Variants in ATAD2 observed in about 807,000 individuals in gnomAD.
The protein encoded by ATAD2 is ATPase family AAA domain-containing protein 2.
A neutral mutation model predicts 168.9 loss-of-function variants in ATAD2; 62 were observed. That is an observed-to-expected ratio of 0.37 (90% confidence interval 0.30 to 0.45). The LOEUF (loss-of-function observed/expected upper bound fraction) is 0.45. Among genes scored for constraint, ATAD2 ranks in the 20% least tolerant of loss-of-function variants. The pLI is 1.00. For missense variants in ATAD2, 1,419 were observed against 1,667.8 expected (o/e 0.85, Z 2.60); for synonymous variants, 613 against 571.6 (o/e 1.07, Z -1.03).
At position 123,396,127 on chromosome 8, in the gene ATAD2, C is replaced by T. The variant is rs111890380; in HGVS notation, c.171+60G>A. The T allele has an allele frequency of 3.8e-5, 56 of 1,479,266 alleles. 1 individual carries two copies. In the African/African-American group the frequency reaches 4.4e-4, roughly 12 times the overall value. 91.6% of individuals were successfully genotyped at this position (1,479,266 alleles called of 1,614,324 possible). ...CCCACCCCCAGGCCCCTCCGAGCGC[C>T]GGGCTGCCGGCAGTCCCCCCGGGAA... On this transcript the variant is annotated intron_variant, in intron 1 of 27. Transcript: ENST00000287394.
chr8:123,402,164 C>T lies in ATAD2; in HGVS notation c.-2281-989G>A. Reference sequence around the variant, plus strand: ...GCACCCCCCAGTGTCCACCTTCGGGCATAGCCTCCCTCCATCACTGAGTGG... The same window carrying T: ...GCACCCCCCAGTGTCCACCTTCGGGTATAGCCTCCCTCCATCACTGAGTGG... On this transcript the variant is annotated intron_variant, in intron 1 of 28. Transcript: ENST00000521903. This position sits in a 1 kb window ranked among gnomAD's most constrained non-coding sequence, Gnocchi z 4.8. The T allele has an allele frequency of 1.5e-5, 10 of 689,454 alleles. No homozygotes were observed. The South Asian group carries it at 1.6e-4, about 11-fold the overall frequency. The allele number at this position is 689,454 out of a possible 1,614,324, so 42.7% of individuals were successfully genotyped here. A position where few individuals can be genotyped will look rare whatever the true frequency, so the allele number is the denominator to read the frequency against.
chr8:123,414,089 T>A (rs1813203424), intron 1 of ATAD2, among the ~76,000 whole-genome samples: 1 of 51,542 alleles, frequency 1.9e-5, no homozygotes, highest in East Asian at 5.9e-4. Flanking sequence ...GAGACTCTTA[T>A]CTCAAAAAAA....
intron 8 of ATAD2, among the ~76,000 whole-genome samples, chr8:123,362,492 C>T (rs972334073): frequency 6.6e-6 from 1 of 151,440 alleles, no homozygotes; most frequent in African/African-American, 2.4e-5. Context: ...CTCACTGCAA[C>T]CTCTGCCTCC....
At chr8:123,342,051 G>A (rs1480579218) in intron 19 of ATAD2, among the ~76,000 whole-genome samples, 2 of 152,018 alleles carry the variant, frequency 1.3e-5, no homozygotes, top group Non-Finnish European at 2.9e-5. Flanking sequence ...GCACCCCTAC[G>A]CTGCTAGCCT....
intron 24 of ATAD2, among the ~76,000 whole-genome samples, chr8:123,332,025 T>C: frequency 6.6e-6 from 1 of 152,228 alleles, no homozygotes; most frequent in East Asian, 1.9e-4. Flanking sequence ...CTATGTACGA[T>C]CTGTGTTTGT....
intron 27 of ATAD2, among the ~76,000 whole-genome samples, chr8:123,321,736 C>T (rs1827473471): frequency 1.3e-5 from 2 of 151,934 alleles, no homozygotes; most frequent in Admixed American, 1.3e-4. Context: ...GAATTTGGGA[C>T]CATCCTAGGC....
At chr8:123,346,481 TAAC>T in intron 17 of ATAD2, 134 bp downstream of exon 17, 1 of 1,065,216 alleles carries the variant, frequency 9.4e-7, no homozygotes, top group Non-Finnish European at 1.3e-6. Flanking sequence ...GTGACAACTG[TAAC>T]AACAAAAAAT....
intron 1 of ATAD2, among the ~76,000 whole-genome samples, chr8:123,392,831 T>C (rs1812645103): frequency 6.6e-6 from 1 of 152,166 alleles, no homozygotes; most frequent in South Asian, 2.1e-4. Context: ...TACAGACTTT[T>C]ACTTAGATAG....
chr8:123,406,382 C>A (rs1236190773), intron 1 of ATAD2, among the ~76,000 whole-genome samples: 2,878 of 90,456 alleles, frequency 0.032, 1 homozygote, highest in African/African-American at 0.035. Context: ...ACTGTCTCAC[C>A]AAAAAAAAAA....
chr8:123,353,681 C>A (rs1828545791), intron 13 of ATAD2, among the ~76,000 whole-genome samples: 1 of 152,078 alleles, frequency 6.6e-6, no homozygotes, highest in African/African-American at 2.4e-5. Context: ...TTAGAGACCA[C>A]ACTCAGGGAT....
chr8:123,385,312 A>T (rs1215991097), intron 1 of ATAD2, among the ~76,000 whole-genome samples: 1 of 152,198 alleles, frequency 6.6e-6, no homozygotes, highest in African/African-American at 2.4e-5. Flanking sequence ...ATTAAAAGAG[A>T]GAAAAAAAAG....
intron 1 of ATAD2, among the ~76,000 whole-genome samples, chr8:123,394,151 C>T (rs1045188074): frequency 6.6e-5 from 10 of 151,666 alleles, no homozygotes; most frequent in South Asian, 4.2e-4. Flanking sequence ...GTCTTAATAG[C>T]TGACAATGAC....
At chr8:123,414,809 G>A (rs550011471) in intron 1 of ATAD2, among the ~76,000 whole-genome samples, 1 of 152,238 alleles carries the variant, frequency 6.6e-6, no homozygotes, top group African/African-American at 2.4e-5. Context: ...TCTGAGTCTG[G>A]GGCTGGGGCA....
In ATAD2 at chr8:123,322,922, C is replaced by T; in HGVS notation, c.4131+16G>A. ...CCACAAGAGCATTTGTAAAAAGTTTCCACTCAAGAGTTTACCTGAATAAGT... is the reference window on the plus strand; with the variant it reads ...CCACAAGAGCATTTGTAAAAAGTTTTCACTCAAGAGTTTACCTGAATAAGT... On this transcript the variant is annotated intron_variant, in intron 27 of 27. Transcript: ENST00000287394. 6.2e-7 allele frequency: 1 copy of T among 1,608,294 alleles called. No homozygotes were observed. Among genetic ancestry groups the T allele is most frequent in the African/African-American group, 1.3e-5 (1 of 74,754 alleles).
rs200843075 is a variant in ATAD2, at chr8:123,379,870, GTAT to G, written c.320+656_320+658del. 1.3e-3 allele frequency among the ~76,000 whole-genome samples: 173 copies of G among 135,442 alleles called. 1 individual carries two copies. The highest frequency in any genetic ancestry group is 2.7e-3 in the East Asian group (12 of 4,474). The allele number at this position is 135,442 out of a possible 152,430, so 88.9% of individuals were successfully genotyped here. A position where few individuals can be genotyped will look rare whatever the true frequency, so the allele number is the denominator to read the frequency against. On this transcript the variant is annotated intron_variant, in intron 2 of 27. Transcript: ENST00000287394. ...GGTGTGAGCCATTGCGCCCGGCCACGTATTATTATTATTATTATTATTTTTTTT... is the reference window on the plus strand; with the variant it reads ...GGTGTGAGCCATTGCGCCCGGCCACGTATTATTATTATTATTATTTTTTTT...
At position 123,371,712 on chromosome 8, in the gene ATAD2, C is replaced by G. The variant is rs1418993941; in HGVS notation, c.494G>C (p.Ser165Thr). The G allele has an allele frequency of 6.2e-7, 1 of 1,613,370 alleles. No homozygotes were observed. The highest frequency in any genetic ancestry group is 1.1e-5 in the South Asian group (1 of 90,950). Residue 165 changes from serine to threonine, a missense_variant, in exon 4 of 28, where the codon AGT becomes ACT. Coordinates refer to ENST00000287394, the MANE Select transcript of ATAD2 (RefSeq NM_014109.4). ...RRSCRIRSRYSGVNQSMLFDK... is the reference protein window; with the variant it reads ...RRSCRIRSRYTGVNQSMLFDK... Reference sequence around the variant, plus strand: ...AAACAGCATGGACTGGTTTACACCACTATAACGACTTCTAATCCTACAACT... The same window carrying G: ...AAACAGCATGGACTGGTTTACACCAGTATAACGACTTCTAATCCTACAACT...
rs138371545 is a variant in ATAD2 at position 123,384,962 on chromosome 8, C to G, written c.172-4285G>C. 4.0e-4 allele frequency among the ~76,000 whole-genome samples: 61 copies of G among 152,250 alleles called. No homozygotes were observed. In the East Asian group the frequency reaches 8.7e-3, roughly 22 times the overall value. On this transcript the variant is annotated intron_variant, in intron 1 of 27. Coordinates refer to ENST00000287394, the MANE Select transcript of ATAD2 (RefSeq NM_014109.4). ...CATTTTTCTTAAACTGATTTCATGT[C>G]CCATTCAAGTGTTGTCTACAACCTG... is the stretch of plus-strand genomic sequence containing the variant.
intron 17 of ATAD2, 82 bp from the exon 18 acceptor site, chr8:123,346,354 A>AT (rs1828242135): frequency 7.5e-7 from 1 of 1,325,726 alleles, no homozygotes; most frequent in East Asian, 2.5e-5. Context: ...ATAAACTTTC[A>AT]TAAGTAAAAA....
intron 12 of ATAD2, among the ~76,000 whole-genome samples, chr8:123,356,691 A>C (rs914280440): frequency 1.3e-5 from 2 of 150,372 alleles, no homozygotes; most frequent in African/African-American, 2.4e-5. Context: ...ACTGTCACCC[A>C]GGCTGGAGTG....
Sources: gnomAD v4.1 joint callset for allele counts (sites outside exome capture counted in the v4.1 genomes callset) on GRCh38, gnomAD v4.1.1 for gene constraint, Gnocchi (gnomAD v3.1) non-coding constraint, MANE v1.5 for transcripts, NCBI Gene and HGNC (gene_info 2026-07-23, HGNC 2026-07-21) for gene names.